Variants in TMEM231 observed in about 807,000 individuals in gnomAD.
TMEM231 encodes transmembrane protein 231.
A neutral mutation model predicts 38.5 loss-of-function variants in TMEM231; 40 were observed. That is an observed-to-expected ratio of 1.04 (90% CI 0.81 to 1.35). The LOEUF (loss-of-function observed/expected upper bound fraction) is 1.35. Ranked by LOEUF, TMEM231 falls within the 40% of genes most tolerant of loss-of-function variation. TMEM231 has a pLI of 0.00. For missense variants in TMEM231, 420 were observed against 416.9 expected (o/e 1.01, Z -0.07); for synonymous variants, 199 against 181.7 (o/e 1.10, Z -0.77).
chr16:75,546,109 A>G, intron 2 of TMEM231, 155 bp from the exon 3 acceptor site: 3 of 1,539,950 alleles, frequency 1.9e-6, no homozygotes, highest in Non-Finnish European at 2.6e-6. Flanking sequence ...ATGTAAGTGC[A>G]TTAATACTGG....
chr16:75,545,429 G>A lies in TMEM231; in HGVS notation c.505C>T (p.Gln169Ter), dbSNP rs2080677582. 6.2e-7 allele frequency: 1 copy of A among 1,607,150 alleles called. No individual in the cohort carries two copies. Among genetic ancestry groups the A allele is most frequent in the Non-Finnish European group, 8.5e-7 (1 of 1,176,336 alleles). ...LQSSFPVPGS[Q>*]LYVNGDLRLQ... Reference sequence around the variant, plus strand: ...CTCAGGTCTCCGTTCACGTATAACTGGGATCCCGGGACAGGAAAGGAGGAC... The same window carrying A: ...CTCAGGTCTCCGTTCACGTATAACTAGGATCCCGGGACAGGAAAGGAGGAC... Residue 169 changes from glutamine to a stop codon, truncating the protein, a stop_gained, in exon 4 of 7, where the codon CAG becomes TAG. Transcript: ENST00000258173. LOFTEE classifies it high-confidence loss of function.
intron 2 of TMEM231, chr16:75,555,419 C>T (rs2080799059): frequency 4.8e-6 from 1 of 207,752 alleles, no homozygotes; most frequent in South Asian, 1.8e-4. Context: ...AACGCCGCGA[C>T]AGAATGGGGT....
At chr16:75,553,479 C>T (rs892640243) in intron 2 of TMEM231, among the ~76,000 whole-genome samples, 3 of 151,682 alleles carry the variant, frequency 2.0e-5, no homozygotes, top group South Asian at 2.1e-4. Flanking sequence ...AAAGTTAGCC[C>T]GGAGTGGTGG....
rs778118263 is a variant in TMEM231 at position 75,555,810 on chromosome 16, G to C, written c.303C>G (p.Leu101=). The C allele has an allele frequency of 6.5e-7, 1 of 1,540,212 alleles. No homozygotes were observed. The highest frequency in any genetic ancestry group is 1.9e-5 in the Admixed American group (1 of 51,820). The change falls in exon 2 of 7, where the codon CTC becomes CTG. Residue 101 remains leucine, a synonymous_variant. Coordinates refer to ENST00000258173, the MANE Select transcript of TMEM231 (RefSeq NM_001077418.3). ...CCAGGCGGGAACCACGCACCGAAAC[G>C]AGCGGGACGCGCAGGCGATCCCCTT... ...RLQGDRLRVP[L]VSTREEDRNQ... is the part of the protein sequence containing the mutation.
At chr16:75,550,457 G>A (rs1224988775) in intron 2 of TMEM231, among the ~76,000 whole-genome samples, 1 of 152,214 alleles carries the variant, frequency 6.6e-6, no homozygotes, top group Non-Finnish European at 1.5e-5. Flanking sequence ...GGAAGCTGCA[G>A]GGGAAGAAGG....
chr16:75,541,961 T>TA (rs1293778804), intron 5 of TMEM231: 1 of 153,260 alleles, frequency 6.5e-6, no homozygotes, highest in East Asian at 1.9e-4. Context: ...GTATATGCCA[T>TA]AAAATCAGTA....
At position 75,556,165 on chromosome 16, in the gene TMEM231, G is replaced by C; in HGVS notation, c.45C>G (p.Tyr15Ter). ...CGGCTTTGGAGCAGAGCCCCGCGCG[G>C]TAACTGCGCTCGACCGGGTGAGAGA... is the stretch of plus-strand genomic sequence containing the variant. The part of the protein sequence containing the change: ...ELFSHPVERS[Y>*]RAGLCSKAAL... Residue 15 changes from tyrosine to a stop codon, truncating the protein, a stop_gained, in exon 1 of 7, where the codon TAC becomes TAG. Transcript: ENST00000258173. LOFTEE classifies it high-confidence loss of function. 6.5e-7 allele frequency: 1 copy of C among 1,546,760 alleles called. No homozygotes were observed. Among genetic ancestry groups the C allele is most frequent in the Non-Finnish European group, 8.7e-7 (1 of 1,149,810 alleles).
chr16:75,545,076 C>A (rs1331133697), intron 4 of TMEM231, among the ~76,000 whole-genome samples: 1 of 150,846 alleles, frequency 6.6e-6, no homozygotes, highest in Non-Finnish European at 1.5e-5. Flanking sequence ...CTGCCTCAGT[C>A]TCCCAAGTAG....
At chr16:75,544,484 G>A (rs1334511779) in intron 4 of TMEM231, among the ~76,000 whole-genome samples, 1 of 152,156 alleles carries the variant, frequency 6.6e-6, no homozygotes, top group South Asian at 2.1e-4. Context: ...GGGGCTGGAA[G>A]GGAGCAAGCG....
chr16:75,554,560 A>AAG (rs1567440345), intron 2 of TMEM231, among the ~76,000 whole-genome samples: 4 of 91,132 alleles, frequency 4.4e-5, no homozygotes, highest in Admixed American at 1.8e-4. Flanking sequence ...AAAAAAAAAA[A>AAG]AAAGAAAAGA....
At position 75,538,301 on chromosome 16, in the gene TMEM231, G is replaced by C. The variant is rs1334686314; in HGVS notation, c.*1693C>G. On this transcript the variant is annotated 3_prime_UTR_variant, in exon 7 of 7. Coordinates refer to ENST00000258173, the MANE Select transcript of TMEM231 (RefSeq NM_001077418.3). Reference sequence around the variant, plus strand: ...ATTACAGGAATGAACCACCATGCTCGGCCTCATTTTGAACATTTTAATTAG... The same window carrying C: ...ATTACAGGAATGAACCACCATGCTCCGCCTCATTTTGAACATTTTAATTAG... The C allele has an allele frequency of 6.6e-6, 1 of 151,992 alleles. No individual in the cohort carries two copies. Among genetic ancestry groups the C allele is most frequent in the Admixed American group, 6.6e-5 (1 of 15,256 alleles). 9.4% of individuals were successfully genotyped at this position (151,992 alleles called of 1,614,324 possible).
At chr16:75,545,737 G>A in intron 3 of TMEM231, 89 bp downstream of exon 3, 1 of 628,982 alleles carries the variant, frequency 1.6e-6, no homozygotes, top group Non-Finnish European at 2.5e-6. Context: ...GGGCCCGCTA[G>A]AGTGCGGGTC....
intron 2 of TMEM231, chr16:75,555,271 T>C (rs2080797657): frequency 6.5e-6 from 1 of 153,698 alleles, no homozygotes; most frequent in Non-Finnish European, 1.4e-5. Flanking sequence ...CAGTCTCCAA[T>C]GGGACAAACC....
chr16:75,541,583 A>G, intron 5 of TMEM231, 128 bp from the exon 6 acceptor site: 1 of 539,848 alleles, frequency 1.9e-6, no homozygotes, highest in Non-Finnish European at 3.2e-6. Flanking sequence ...TCGGAAGGAA[A>G]GAGAAATTGC....
intron 2 of TMEM231, among the ~76,000 whole-genome samples, chr16:75,548,579 C>T (rs1263161605): frequency 2.0e-5 from 3 of 152,032 alleles, no homozygotes; most frequent in African/African-American, 7.2e-5. Flanking sequence ...TAAAATTTAA[C>T]AGAAATTGGC....
chr16:75,537,522 C>A lies in TMEM231; in HGVS notation c.*2472G>T. On this transcript the variant is annotated 3_prime_UTR_variant, in exon 7 of 7. Transcript: ENST00000258173. ...TTTTTTTTTGAGACGGAGTCTAGCTCTGTTGCCAGGCTGGAGTGCAGTGGC... is the reference window on the plus strand; with the variant it reads ...TTTTTTTTTGAGACGGAGTCTAGCTATGTTGCCAGGCTGGAGTGCAGTGGC... The A allele has an allele frequency of 6.8e-6, 1 of 147,642 alleles. No individual in the cohort carries two copies. Among genetic ancestry groups the A allele is most frequent in the Admixed American group, 6.8e-5 (1 of 14,630 alleles). 9.1% of individuals were successfully genotyped at this position (147,642 alleles called of 1,614,324 possible). A position where few individuals can be genotyped will look rare whatever the true frequency, so the allele number is the denominator to read the frequency against.
In TMEM231 at chr16:75,545,393, T is replaced by G. The variant is rs1314035826; in HGVS notation, c.541A>C (p.Lys181Gln). 6.2e-7 allele frequency: 1 copy of G among 1,612,488 alleles called. No homozygotes were observed. The highest frequency in any genetic ancestry group is 8.5e-7 in the Non-Finnish European group (1 of 1,179,286). ...YVNGDLRLQQ[K>Q]QPLSCGGLDA... ...AGGCCACCACAGCTCAGCGGCTGCT[T>G]CTGCTGCAGCCTCAGGTCTCCGTTC... Residue 181 changes from lysine (K) to glutamine (Q), a missense_variant, in exon 4 of 7, where the codon AAG becomes CAG. Transcript: ENST00000258173.
In TMEM231 at chr16:75,536,915, A is replaced by G. The variant is rs1049228883; in HGVS notation, c.*3079T>C. 1.3e-5 allele frequency: 2 copies of G among 152,220 alleles called. No homozygotes were observed. Among genetic ancestry groups the G allele is most frequent in the East Asian group, 1.9e-4 (1 of 5,194 alleles). The allele number at this position is 152,220 out of a possible 1,614,324, so 9.4% of individuals were successfully genotyped here. On this transcript the variant is annotated 3_prime_UTR_variant, in exon 7 of 7. Coordinates refer to ENST00000258173, the MANE Select transcript of TMEM231 (RefSeq NM_001077418.3). The stretch of plus-strand genomic sequence containing the variant: ...AGCGGATGGATCACTTGAGGTCAGG[A>G]GTTCGAGACCAGCCTGACCACCAGG...
chr16:75,541,631 T>C (rs907924248), intron 5 of TMEM231, 176 bp from the exon 6 acceptor site: 1 of 421,318 alleles, frequency 2.4e-6, no homozygotes, highest in African/African-American at 2.0e-5. Flanking sequence ...GTTAAAATAA[T>C]AGTCAAAATA....
Sources: allele counts gnomAD v4.1 joint callset (sites outside exome capture counted in the v4.1 genomes callset), GRCh38; gene constraint gnomAD v4.1.1; transcripts MANE v1.5; gene names NCBI Gene and HGNC (gene_info 2026-07-23, HGNC 2026-07-21).